KLHL17: variants seen among roughly 807,000 people sequenced by gnomAD.
The protein encoded by KLHL17 is kelch like family member 17, also known as kelch-like protein 17.
KLHL17 carries 71 observed loss-of-function variants against 64.6 expected under a neutral mutation model. The observed-to-expected ratio is 1.10, with a 90% CI of 0.91 to 1.34. KLHL17 has a LOEUF of 1.34. KLHL17 is among the 40% of genes most tolerant of loss of function. The pLI is 0.00. For synonymous variants in KLHL17, 612 were observed against 405.4 expected (o/e 1.51, Z -6.12); for missense variants, 1,140 against 935.0 (o/e 1.22, Z -2.86).
In KLHL17 at chr1:965,236, G is replaced by A. The variant is rs1201086325; in HGVS notation, c.*45G>A. Reference sequence around the variant, plus strand: ...CTGCAGCCTCCCACATGCCTTAAGGGGACCGTGGCCCCCACCAGGGACGTC... The same window carrying A: ...CTGCAGCCTCCCACATGCCTTAAGGAGACCGTGGCCCCCACCAGGGACGTC... On this transcript the variant is annotated 3_prime_UTR_variant, in exon 12 of 12. Transcript: ENST00000338591. 3 of 1,553,526 alleles carry A rather than the reference G, an allele frequency of 1.9e-6. No homozygotes were observed. The highest frequency in any genetic ancestry group is 2.3e-5 in the East Asian group (1 of 43,788).
rs374429258 is a variant in KLHL17 at position 961,369 on chromosome 1, C to T, written c.184C>T (p.Arg62Cys). Residue 62 changes from arginine to cysteine, a missense_variant, in exon 2 of 12, where the codon CGC becomes TGC. Transcript: ENST00000338591. ...PMEGAVQLLS[R>C]EGHSVAHNSK... ...GGAGGGAGCCGTGCAGCTGCTGAGC[C>T]GCGAGGGCCACAGCGTGGCCCACAA... 2 of 1,595,976 alleles carry T rather than the reference C, an allele frequency of 1.3e-6. No individual in the cohort carries two copies. Among genetic ancestry groups the T allele is most frequent in the Admixed American group, 1.7e-5 (1 of 57,988 alleles).
In KLHL17 at chr1:965,350, G is replaced by A. The variant is rs3935066; in HGVS notation, c.*159G>A. 576,734 of 689,326 alleles carry A rather than the reference G, an allele frequency of 0.84. 251,514 individuals carry two copies. Among genetic ancestry groups the A allele is most frequent in the Non-Finnish European group, 0.91 (382,847 of 420,160 alleles). The allele number at this position is 689,326 out of a possible 1,614,324, so 42.7% of individuals were successfully genotyped here. A position where few individuals can be genotyped will look rare whatever the true frequency, so the allele number is the denominator to read the frequency against. On this transcript the variant is annotated 3_prime_UTR_variant, in exon 12 of 12. Transcript: ENST00000338591. ...TTAGTTATTTATCTTATTTATTGAG[G>A]GGTGAGGAGTGCCACGGCTGCCCGT...
Position 964,161 on chromosome 1 carries a change from TGGA to T in KLHL17, c.1501_1503del (p.Glu501del). 6.2e-7 allele frequency: 1 copy of T among 1,612,646 alleles called. No individual in the cohort carries two copies. On this transcript the variant is annotated inframe_deletion, in exon 10 of 12. Coordinates refer to ENST00000338591, the MANE Select transcript of KLHL17 (RefSeq NM_198317.3). ...GACAGCTCCTCACACCTGGCCACTG[TGGA>T]GAAGTATGAGCCCCAGGTGCATAGT... is the stretch of plus-strand genomic sequence containing the variant.
In KLHL17 at chr1:965,465, G is replaced by A. The variant is rs1434291162; in HGVS notation, c.*274G>A. 8 of 513,594 alleles carry A rather than the reference G, an allele frequency of 1.6e-5. No homozygotes were observed. Among genetic ancestry groups the A allele is most frequent in the South Asian group, 5.2e-5 (2 of 38,462 alleles). 31.8% of individuals were successfully genotyped at this position (513,594 alleles called of 1,614,324 possible). On this transcript the variant is annotated 3_prime_UTR_variant, in exon 12 of 12. Coordinates refer to ENST00000338591, the MANE Select transcript of KLHL17 (RefSeq NM_198317.3). Reference sequence around the variant, plus strand: ...GGAGTGACCAGGCGGGGGCCTCACCGCCCCAGGGCCGTTGCCTGCTCAGAC... The same window carrying A: ...GGAGTGACCAGGCGGGGGCCTCACCACCCCAGGGCCGTTGCCTGCTCAGAC...
chr1:962,325 G>T (rs1237643853), intron 4 of KLHL17, 30 bp from the exon 5 acceptor site: 1 of 1,611,816 alleles, frequency 6.2e-7, no homozygotes, highest in Admixed American at 1.7e-5. Context: ...ACCCTCCCCA[G>T]ATCTCAGGTC....
intron 8 of KLHL17, 101 bp from the exon 9 acceptor site, chr1:963,819 C>G: frequency 7.5e-7 from 1 of 1,327,130 alleles, no homozygotes; most frequent in South Asian, 1.2e-5. Context: ...AGTTTGACTC[C>G]TAGGGTAAGA....
Position 963,291 on chromosome 1 carries a change from G to C in KLHL17, c.1187+38G>C, listed in dbSNP as rs371775037. ...GCTGGACTTGGGTCGGGTCTGGCAC[G>C]TGCCCGCCAGGCCAGTCTTGACCTG... On this transcript the variant is annotated intron_variant, in intron 7 of 11. Transcript: ENST00000338591. The C allele has an allele frequency of 3.1e-6, 5 of 1,599,326 alleles. No individual in the cohort carries two copies. In the Admixed American group the frequency reaches 6.7e-5, roughly 21 times the overall value.
intron 10 of KLHL17, 72 bp from the exon 11 acceptor site, chr1:964,277 C>G (rs1642796135): frequency 4.4e-6 from 7 of 1,588,604 alleles, no homozygotes; most frequent in Non-Finnish European, 5.2e-6. Context: ...ACACCCCACC[C>G]TGGAGTCGGG....
rs574551649 is a variant in KLHL17 at position 961,346 on chromosome 1, A to T, written c.161A>T (p.Glu54Val). The T allele has an allele frequency of 6.4e-7, 1 of 1,569,542 alleles. No individual in the cohort carries two copies. The highest frequency in any genetic ancestry group is 8.6e-7 in the Non-Finnish European group (1 of 1,161,978). The change falls in exon 2 of 12, where the codon GAG becomes GTG. Residue 54 changes from glutamate (E) to valine (V), a missense_variant. Coordinates refer to ENST00000338591, the MANE Select transcript of KLHL17 (RefSeq NM_198317.3). ...CAGGCTCGGCCCGCAGCCCCCATGG[A>T]GGGAGCCGTGCAGCTGCTGAGCCGC... The part of the protein sequence containing the change: ...PRQARPAAPM[E>V]GAVQLLSREG...
intron 5 of KLHL17, 58 bp downstream of exon 5, chr1:962,529 G>T: frequency 6.3e-7 from 1 of 1,595,590 alleles, no homozygotes; most frequent in African/African-American, 1.3e-5. Context: ...AGGTGGCTGA[G>T]GGCCTGGTGC....
Position 964,560 on chromosome 1 carries a change from G to A in KLHL17, c.1700+30G>A, listed in dbSNP as rs1408702085. Reference sequence around the variant, plus strand: ...GCAGTGGGGCTGCGGGGAGGGGGGCGCGGGTCCGCAGTGGGGCTGTGGGAG... The same window carrying A: ...GCAGTGGGGCTGCGGGGAGGGGGGCACGGGTCCGCAGTGGGGCTGTGGGAG... On this transcript the variant is annotated intron_variant, in intron 11 of 11. Transcript: ENST00000338591. The A allele has an allele frequency of 4.3e-6, 6 of 1,400,996 alleles. 1 individual carries two copies. Among genetic ancestry groups the A allele is most frequent in the Admixed American group, 4.8e-5 (2 of 41,818 alleles). The allele number at this position is 1,400,996 out of a possible 1,614,324, so 86.8% of individuals were successfully genotyped here. A position where few individuals can be genotyped will look rare whatever the true frequency, so the allele number is the denominator to read the frequency against.
At chr1:963,833 C>T (rs1158026464) in intron 8 of KLHL17, 87 bp from the exon 9 acceptor site, 15 of 1,402,890 alleles carry the variant, frequency 1.1e-5, no homozygotes, top group Non-Finnish European at 1.3e-5. Context: ...GGTAAGATTT[C>T]AGCCATTCCG....
At position 963,177 on chromosome 1, in the gene KLHL17, G is replaced by A. The variant is rs201246933; in HGVS notation, c.1111G>A (p.Val371Met). ...AYDTRTDRWH[V>M]VASMSTRRAR... ...CGACACGCGCACCGACCGCTGGCACGTGGTGGCCTCCATGTCCACGCGCCG... is the reference window on the plus strand; with the variant it reads ...CGACACGCGCACCGACCGCTGGCACATGGTGGCCTCCATGTCCACGCGCCG... The change falls in exon 7 of 12, where the codon GTG (valine) becomes ATG (methionine). Residue 371 changes from valine (V) to methionine (M), a missense_variant. By Grantham distance (21) the Val-to-Met change is conservative (BLOSUM62 1). Coordinates refer to ENST00000338591, the MANE Select transcript of KLHL17 (RefSeq NM_198317.3). The A allele has an allele frequency of 1.2e-4, 188 of 1,609,836 alleles. No homozygotes were observed. Among genetic ancestry groups the A allele is most frequent in the Non-Finnish European group, 1.4e-4 (166 of 1,177,992 alleles).
In KLHL17 at chr1:962,447, C is replaced by T. The variant is rs748026847; in HGVS notation, c.804C>T (p.Asp268=). The change falls in exon 5 of 12, where the codon GAC becomes GAT. Residue 268 remains aspartate, a synonymous_variant. Coordinates refer to ENST00000338591, the MANE Select transcript of KLHL17 (RefSeq NM_198317.3). ...AVLSWVKHDV[D]ARRQHVPRLM... The stretch of plus-strand genomic sequence containing the variant: ...TGAGCTGGGTGAAACACGACGTGGA[C>T]GCCCGCAGGCAGCATGTCCCACGGG... 29 of 1,612,584 alleles carry T rather than the reference C, an allele frequency of 1.8e-5. No individual in the cohort carries two copies. The highest frequency in any genetic ancestry group is 8.0e-5 in the African/African-American group (6 of 74,944).
intron 4 of KLHL17, 69 bp downstream of exon 4, chr1:962,116 AC>A: frequency 8.8e-7 from 1 of 1,140,062 alleles, no homozygotes; most frequent in Non-Finnish European, 1.2e-6. Flanking sequence ...TTGACTCCCG[AC>A]CCCGTTTTGT....
rs1259437895 is a variant in KLHL17, at chr1:962,455, G to A, written c.812G>A (p.Arg271Lys). ...GTGAAACACGACGTGGACGCCCGCA[G>A]GCAGCATGTCCCACGGGTGAGGCGC... ...SWVKHDVDAR[R>K]QHVPRLMKCV... The change falls in exon 5 of 12, where the codon AGG becomes AAG. Residue 271 changes from arginine to lysine, a missense_variant. By Grantham distance (26) the Arg-to-Lys change is conservative (BLOSUM62 2). Coordinates refer to ENST00000338591, the MANE Select transcript of KLHL17 (RefSeq NM_198317.3). The A allele has an allele frequency of 1.2e-6, 2 of 1,612,672 alleles. No homozygotes were observed. The highest frequency in any genetic ancestry group is 8.5e-7 in the Non-Finnish European group (1 of 1,179,902).
Position 962,345 on chromosome 1 carries a change from C to T in KLHL17, c.712-10C>T, listed in dbSNP as rs1423898539. 2 of 1,612,442 alleles carry T rather than the reference C, an allele frequency of 1.2e-6. No homozygotes were observed. The highest frequency in any genetic ancestry group is 1.3e-5 in the African/African-American group (1 of 75,032). ...CCCCAGATCTCAGGTCTGAGGACCC[C>T]CACTCCCAGGTTCTGGAACTGGTCT... On this transcript the variant is annotated splice_polypyrimidine_tract_variant and intron_variant, in intron 4 of 11. Coordinates refer to ENST00000338591, the MANE Select transcript of KLHL17 (RefSeq NM_198317.3).
Position 965,372 on chromosome 1 carries a change from C to T in KLHL17, c.*181C>T, listed in dbSNP as rs1357317499. On this transcript the variant is annotated 3_prime_UTR_variant, in exon 12 of 12. Coordinates refer to ENST00000338591, the MANE Select transcript of KLHL17 (RefSeq NM_198317.3). Reference sequence around the variant, plus strand: ...GAGGGGTGAGGAGTGCCACGGCTGCCCGTTTACACCTTTAGCGTCTGGTCC... The same window carrying T: ...GAGGGGTGAGGAGTGCCACGGCTGCTCGTTTACACCTTTAGCGTCTGGTCC... 2.3e-5 allele frequency: 14 copies of T among 620,864 alleles called. No individual in the cohort carries two copies. The highest frequency in any genetic ancestry group is 3.6e-5 in the Non-Finnish European group (13 of 360,254). The allele number at this position is 620,864 out of a possible 1,614,324, so 38.5% of individuals were successfully genotyped here.
rs1032866181 is a variant in KLHL17 at position 965,268 on chromosome 1, C to T, written c.*77C>T. 4.0e-5 allele frequency: 45 copies of T among 1,137,996 alleles called. No homozygotes were observed. The highest frequency in any genetic ancestry group is 8.4e-5 in the Admixed American group (4 of 47,688). The allele number at this position is 1,137,996 out of a possible 1,614,324, so 70.5% of individuals were successfully genotyped here. On this transcript the variant is annotated 3_prime_UTR_variant, in exon 12 of 12. Coordinates refer to ENST00000338591, the MANE Select transcript of KLHL17 (RefSeq NM_198317.3). ...GGCCCCCACCAGGGACGTCCTGCGC[C>T]ATCCGTTCACGTCTCTGCATCCATT...
Sources: gnomAD v4.1 joint callset for allele counts on GRCh38, gnomAD v4.1.1 for gene constraint, MANE v1.5 for transcripts, NCBI Gene and HGNC (gene_info 2026-07-23, HGNC 2026-07-21) for gene names.